The following STAC variants were observed in gnomAD, a reference collection of about 807,000 sequenced individuals.
STAC encodes the protein SH3 and cysteine-rich domain-containing protein.
STAC carries 43 observed loss-of-function variants against 48.8 expected under a neutral mutation model. That is an observed-to-expected ratio of 0.88 (90% CI 0.69 to 1.14). The LOEUF is 1.14. STAC is among the 50% of genes most tolerant of loss of function. STAC has a pLI of 0.00. For missense variants in STAC, 497 were observed against 504.0 expected, an observed-to-expected ratio of 0.99 and a Z score of 0.13; for synonymous variants, 193 against 179.5, an observed-to-expected ratio of 1.07 and a Z score of -0.60.
intron 8 of STAC, among the ~76,000 whole-genome samples, chr3:36,517,028 T>C (rs778984165): frequency 6.6e-6 from 1 of 152,208 alleles, no homozygotes; most frequent in Non-Finnish European, 1.5e-5. Context: ...AAAGGGGCTG[T>C]GATATCCAAT....
intron 8 of STAC, among the ~76,000 whole-genome samples, chr3:36,519,255 A>G (rs1698744951): frequency 6.6e-6 from 1 of 152,240 alleles, no homozygotes; most frequent in South Asian, 2.1e-4. Context: ...CATTAATTCC[A>G]GTCTTGATTC....
At chr3:36,499,900 A>T (rs2125710586) in intron 6 of STAC, among the ~76,000 whole-genome samples, 1 of 152,300 alleles carries the variant, frequency 6.6e-6, no homozygotes, top group African/African-American at 2.4e-5. Flanking sequence ...TGTGTGAAAA[A>T]TTGACTTTAA....
chr3:36,394,333 G>A (rs1204565229), intron 1 of STAC, among the ~76,000 whole-genome samples: 4 of 152,196 alleles, frequency 2.6e-5, no homozygotes, highest in Admixed American at 2.6e-4. Flanking sequence ...GATTGCACAA[G>A]GTTCTAGTGT....
intron 1 of STAC, among the ~76,000 whole-genome samples, chr3:36,426,759 A>G (rs1369791351): frequency 6.6e-6 from 1 of 152,204 alleles, no homozygotes; most frequent in Non-Finnish European, 1.5e-5. Context: ...TCACTAGTTT[A>G]TTAAGTGGGC....
At chr3:36,498,231 T>C (rs1360933066) in intron 6 of STAC, among the ~76,000 whole-genome samples, 1 of 152,098 alleles carries the variant, frequency 6.6e-6, no homozygotes, top group African/African-American at 2.4e-5. Flanking sequence ...ACAGGCAAGC[T>C]TGAGGAAAGT....
chr3:36,519,183 C>A (rs1311539303), intron 8 of STAC, among the ~76,000 whole-genome samples: 1 of 152,142 alleles, frequency 6.6e-6, no homozygotes. Context: ...CAAAGGCAAG[C>A]CCCATTACAA....
intron 1 of STAC, among the ~76,000 whole-genome samples, chr3:36,393,328 T>G (rs1432901705): frequency 6.6e-6 from 1 of 152,130 alleles, no homozygotes; most frequent in Non-Finnish European, 1.5e-5. Flanking sequence ...CCTAGAAAAT[T>G]CAATCTACCT....
At chr3:36,479,906 T>C (rs1294078375) in intron 2 of STAC, among the ~76,000 whole-genome samples, 1 of 152,206 alleles carries the variant, frequency 6.6e-6, no homozygotes, top group Non-Finnish European at 1.5e-5. Flanking sequence ...TTTGAACTAT[T>C]CTCTGAGCTG....
intron 1 of STAC, among the ~76,000 whole-genome samples, chr3:36,392,516 A>G (rs1699772967): frequency 6.6e-6 from 1 of 151,738 alleles, no homozygotes; most frequent in Non-Finnish European, 1.5e-5. Flanking sequence ...ATTTTTATTT[A>G]TTTATTTATT....
At chr3:36,438,762 C>G (rs1696229838) in intron 1 of STAC, among the ~76,000 whole-genome samples, 1 of 152,100 alleles carries the variant, frequency 6.6e-6, no homozygotes, top group South Asian at 2.1e-4. Context: ...GAACACCACA[C>G]CACATATGAC....
intron 10 of STAC, among the ~76,000 whole-genome samples, chr3:36,539,835 T>C (rs1178023330): frequency 6.6e-6 from 1 of 152,230 alleles, no homozygotes; most frequent in Non-Finnish European, 1.5e-5. Context: ...ATTGTAATAG[T>C]CTTGGTCCTT....
At chr3:36,395,293 A>G (rs1699834986) in intron 1 of STAC, among the ~76,000 whole-genome samples, 1 of 152,206 alleles carries the variant, frequency 6.6e-6, no homozygotes, top group South Asian at 2.1e-4. Flanking sequence ...GAAGTCACTA[A>G]GGTTGTAATA....
intron 10 of STAC, among the ~76,000 whole-genome samples, chr3:36,533,363 AC>A (rs1454870669): frequency 6.6e-6 from 1 of 151,910 alleles, no homozygotes; most frequent in East Asian, 1.9e-4. Context: ...CCCCAAGTTT[AC>A]CCAACTGTAT....
intron 2 of STAC, among the ~76,000 whole-genome samples, chr3:36,462,590 G>A (rs957575952): frequency 1.3e-5 from 2 of 152,158 alleles, no homozygotes; most frequent in African/African-American, 2.4e-5. Context: ...GGACTGGGAA[G>A]GAGTGACCAG....
rs143627485 is a variant in STAC at position 36,438,268 on chromosome 3, A to T, written c.112-5096A>T. Among the ~76,000 whole-genome samples the T allele has an allele frequency of 1.2e-4, 18 of 152,310 alleles. No individual in the cohort carries two copies. In the East Asian group the frequency reaches 3.5e-3, roughly 29 times the overall value. ...TTAATGAATGAATGATACCCTATCC[A>T]CAAGGTTGCTAGGATGATTACATGA... On this transcript the variant is annotated intron_variant, in intron 1 of 10. Coordinates refer to ENST00000273183, the MANE Select transcript of STAC (RefSeq NM_003149.3).
At chr3:36,495,389 C>G (rs1018502770) in intron 6 of STAC, among the ~76,000 whole-genome samples, 2 of 152,170 alleles carry the variant, frequency 1.3e-5, no homozygotes, top group South Asian at 2.1e-4. Context: ...ATCCCCTCAC[C>G]CAGCCACACA....
chr3:36,383,289 G>A (rs1318963636), intron 1 of STAC, among the ~76,000 whole-genome samples: 1 of 152,050 alleles, frequency 6.6e-6, no homozygotes, highest in Non-Finnish European at 1.5e-5. Context: ...TCTATTTTAT[G>A]GATGGGGAAG....
At chr3:36,437,966 T>TATTATTA (rs1372425293) in intron 1 of STAC, among the ~76,000 whole-genome samples, 1 of 148,288 alleles carries the variant, frequency 6.7e-6, no homozygotes, top group Non-Finnish European at 1.5e-5. Flanking sequence ...TTATTATTAT[T>TATTATTA]TAGATGAGTT....
At chr3:36,485,648 C>T (rs1344580090) in intron 4 of STAC, 1 of 152,630 alleles carries the variant, frequency 6.6e-6, no homozygotes, top group Non-Finnish European at 1.5e-5. Context: ...AAAATCTCGA[C>T]ATCTATTTTT....
Sources: gnomAD v4.1 joint callset for allele counts (sites outside exome capture counted in the v4.1 genomes callset) on GRCh38, gnomAD v4.1.1 for gene constraint, MANE v1.5 for transcripts, NCBI Gene and HGNC (gene_info 2026-07-23, HGNC 2026-07-21) for gene names.